The following DDX47 variants were observed in gnomAD, a reference collection of about 807,000 sequenced individuals.
DDX47 encodes the protein probable ATP-dependent RNA helicase DDX47.
In DDX47, 60 loss-of-function variants were observed where a neutral mutation model predicts 58.8. The ratio of observed to expected loss-of-function variants is 1.02; its 90% confidence interval spans 0.83 to 1.26. DDX47 has a LOEUF of 1.26. Among genes scored for constraint, DDX47 ranks in the 50% most tolerant of loss-of-function variants. DDX47 has a pLI of 0.00. For missense variants in DDX47, 530 were observed against 573.2 expected (o/e 0.92, Z 0.77); for synonymous variants, 197 against 204.6 (o/e 0.96, Z 0.32).
chr12:12,822,814 AT>A, intron 6 of DDX47, 82 bp downstream of exon 6: 1 of 1,251,568 alleles, frequency 8.0e-7, no homozygotes, highest in South Asian at 1.2e-5. Context: ...GGAAAAATAA[AT>A]TGCTTTAGTC....
In DDX47 at chr12:12,814,113, A is replaced by G; in HGVS notation, c.88-18A>G. On this transcript the variant is annotated intron_variant, in intron 1 of 11. Transcript: ENST00000358007. ...GGTGTGCTGTTCTTGGCTAAGGTAT[A>G]TTTTTCTGAATTCCAAGGGTGTGAC... is the stretch of plus-strand genomic sequence containing the variant. The G allele has an allele frequency of 6.3e-7, 1 of 1,582,002 alleles. No homozygotes were observed. The highest frequency in any genetic ancestry group is 2.2e-5 in the East Asian group (1 of 44,682).
intron 7 of DDX47, chr12:12,823,579 TTGTC>T: frequency 1.8e-6 from 1 of 551,416 alleles, no homozygotes. Context: ...AATTTTTCCT[TTGTC>T]TGCTTATTAT....
rs540178927 is a variant in DDX47, at chr12:12,822,692, A to G, written c.593A>G (p.Asp198Gly). The G allele has an allele frequency of 1.4e-5, 22 of 1,614,064 alleles. No homozygotes were observed. The highest frequency in any genetic ancestry group is 6.6e-5 in the South Asian group (6 of 91,078). The change falls in exon 6 of 12, where the codon GAT becomes GGT. Residue 198 changes from aspartate (D) to glycine (G), a missense_variant. Coordinates refer to ENST00000358007, the MANE Select transcript of DDX47 (RefSeq NM_016355.4). ...VDKILKVIPRDRKTFLFSATM... is the reference protein window; with the variant it reads ...VDKILKVIPRGRKTFLFSATM... ...AAGATCCTCAAAGTGATTCCTCGAG[A>G]TCGGAAAACATTCCTCTTCTCTGCC...
chr12:12,821,478 A>G (rs1221580633), intron 3 of DDX47, 82 bp downstream of exon 3: 3 of 1,529,948 alleles, frequency 2.0e-6, no homozygotes, highest in East Asian at 4.5e-5. Flanking sequence ...GGAGGAAAGT[A>G]TTGCTAGCAT....
chr12:12,816,802 C>T (rs909431633), intron 2 of DDX47, among the ~76,000 whole-genome samples: 3 of 152,228 alleles, frequency 2.0e-5, no homozygotes, highest in Admixed American at 6.5e-5. Context: ...AAAGAACTAT[C>T]AGCGGCCCAG....
chr12:12,824,850 A>ACTAATGTTACAT, intron 9 of DDX47, 173 bp downstream of exon 9: 1 of 612,878 alleles, frequency 1.6e-6, no homozygotes, highest in Non-Finnish European at 2.8e-6. Context: ...CTGTGTATGT[A>ACTAATGTTACAT]ACATTAGTAC....
intron 6 of DDX47, 57 bp downstream of exon 6, chr12:12,822,789 T>C (rs1862993001): frequency 7.1e-7 from 1 of 1,412,240 alleles, no homozygotes; most frequent in African/African-American, 1.4e-5. Flanking sequence ...ATAAAGTAAA[T>C]AGTAATAACA....
chr12:12,823,454 C>T (rs765597031), intron 7 of DDX47, 135 bp downstream of exon 7: 25 of 660,832 alleles, frequency 3.8e-5, no homozygotes, highest in South Asian at 1.4e-4. Flanking sequence ...GAGTGCATAT[C>T]GTGCTTATAT....
rs1010878 is a variant in DDX47, at chr12:12,824,466, G to A, written c.898-74G>A. The A allele has an allele frequency of 0.25, 376,065 of 1,507,328 alleles. 48,897 individuals carry two copies. The highest frequency in any genetic ancestry group is 0.34 in the Middle Eastern group (1,907 of 5,686). 93.4% of individuals were successfully genotyped at this position (1,507,328 alleles called of 1,614,324 possible). A position where few individuals can be genotyped will look rare whatever the true frequency, so the allele number is the denominator to read the frequency against. ...AAAAAATTTATGTCTGTTTGTTCTC[G>A]TGTTTGTCTATTTTGTGTTTTGTAT... is the stretch of plus-strand genomic sequence containing the variant. On this transcript the variant is annotated intron_variant, in intron 8 of 11. Transcript: ENST00000358007.
chr12:12,815,146 A>G (rs562933657), intron 2 of DDX47, among the ~76,000 whole-genome samples: 1 of 152,350 alleles, frequency 6.6e-6, no homozygotes, highest in South Asian at 2.1e-4. Context: ...AATTGTTATA[A>G]GAGGGGTAAT....
Position 12,823,316 on chromosome 12 carries a change from C to A in DDX47, c.747C>A (p.Phe249Leu). 1 of 1,534,196 alleles carries A rather than the reference C, an allele frequency of 6.5e-7. No individual in the cohort carries two copies. Among genetic ancestry groups the A allele is most frequent in the Non-Finnish European group, 9.0e-7 (1 of 1,107,268 alleles). Residue 249 changes from phenylalanine (F) to leucine (L), a missense_variant, in exon 7 of 12, where the codon TTC becomes TTA. Physicochemically the swap from Phe to Leu is conservative, Grantham distance 22. Coordinates refer to ENST00000358007, the MANE Select transcript of DDX47 (RefSeq NM_016355.4). Reference sequence around the variant, plus strand: ...ATTATATTTTTATTCCCTCTAAATTCAAGGTAAAATGTTTACTTTGATCAT... The same window carrying A: ...ATTATATTTTTATTCCCTCTAAATTAAAGGTAAAATGTTTACTTTGATCAT... ...QQYYIFIPSK[F>L]KDTYLVYILN...
chr12:12,822,607 G>A (rs1448726596), intron 5 of DDX47, 54 bp from the exon 6 acceptor site: 1 of 1,458,756 alleles, frequency 6.9e-7, no homozygotes. Flanking sequence ...TAGAGGATTT[G>A]CAGCTCTTCC....
Position 12,829,466 on chromosome 12 carries a change from A to G in DDX47, c.1280A>G (p.Asp427Gly). The G allele has an allele frequency of 6.2e-7, 1 of 1,613,762 alleles. No individual in the cohort carries two copies. Among genetic ancestry groups the G allele is most frequent in the Non-Finnish European group, 8.5e-7 (1 of 1,179,854 alleles). ...GAAAAGAAGAAACGCTCGCGAGAGG[A>G]TGCTGGAGATAATGATGACACAGAG... ...HGEKKKRSRE[D>G]AGDNDDTEGA... Residue 427 changes from aspartate to glycine, a missense_variant, in exon 12 of 12, where the codon GAT becomes GGT. Physicochemically the swap from Asp to Gly is moderately conservative, Grantham distance 94 (BLOSUM62 -1). Coordinates refer to ENST00000358007, the MANE Select transcript of DDX47 (RefSeq NM_016355.4).
At chr12:12,814,247 G>C (rs763071733) in intron 2 of DDX47, 23 bp downstream of exon 2, 1 of 1,431,554 alleles carries the variant, frequency 7.0e-7, no homozygotes, top group South Asian at 1.2e-5. Flanking sequence ...ACTTCGTACA[G>C]ATTTAATATA....
intron 7 of DDX47, chr12:12,823,552 A>G (rs1048081740): frequency 5.8e-5 from 32 of 552,766 alleles, no homozygotes; most frequent in Non-Finnish European, 9.6e-5. Context: ...ATTCCTTCCC[A>G]TCCCCATCCT....
At chr12:12,822,350 C>T (rs60531768) in intron 5 of DDX47, among the ~76,000 whole-genome samples, 33,336 of 151,972 alleles carry the variant, frequency 0.22, 4,028 homozygotes, top group Middle Eastern at 0.33. Flanking sequence ...TCTTTATTTT[C>T]TTTGATGACC....
At chr12:12,823,528 G>A (rs1592323799) in intron 7 of DDX47, 1 of 573,810 alleles carries the variant, frequency 1.7e-6, no homozygotes, top group East Asian at 2.9e-5. Flanking sequence ...CTGAGGTCAT[G>A]ATGTAATCAT....
chr12:12,813,594 C>A, intron 1 of DDX47, 140 bp downstream of exon 1: 1 of 813,274 alleles, frequency 1.2e-6, no homozygotes, highest in Non-Finnish European at 2.0e-6. Context: ...TTTCAGAGGG[C>A]TGGGTTTCGG....
Position 12,822,064 on chromosome 12 carries a change from A to G in DDX47, c.542A>G (p.Asn181Ser). ...LVMDEADRIL[N>S]MDFETEVDKI... is the part of the protein sequence containing the mutation. ...ATGGATGAAGCCGACCGAATACTGA[A>G]TATGGATTTTGAGACAGAGGTGAGC... is the stretch of plus-strand genomic sequence containing the variant. Residue 181 changes from asparagine to serine, a missense_variant, in exon 5 of 12, where the codon AAT becomes AGT. Transcript: ENST00000358007. 6.2e-7 allele frequency: 1 copy of G among 1,612,476 alleles called. No individual in the cohort carries two copies. The highest frequency in any genetic ancestry group is 8.5e-7 in the Non-Finnish European group (1 of 1,178,570).
Sources: allele counts gnomAD v4.1 joint callset (sites outside exome capture counted in the v4.1 genomes callset), GRCh38; gene constraint gnomAD v4.1.1; transcripts MANE v1.5; gene names NCBI Gene and HGNC (gene_info 2026-07-23, HGNC 2026-07-21).